Variants in FGF10 observed in about 807,000 individuals in gnomAD.
FGF10 encodes FGF-10.
A neutral mutation model predicts 19.8 loss-of-function variants in FGF10; 2 were observed. The observed-to-expected ratio is 0.10, with a 90% CI of 0.04 to 0.32. The LOEUF is 0.32. FGF10 is among the 10% of genes least tolerant of loss of function. The pLI is 1.00. For synonymous variants in FGF10, 112 were observed against 94.0 expected (o/e 1.19, Z -1.10); for missense variants, 191 against 246.3 (o/e 0.78, Z 1.50).
rs1194756162 is a variant in FGF10, at chr5:44,304,230, G to T, written c.*765C>A. On this transcript the variant is annotated 3_prime_UTR_variant, in exon 3 of 3. Transcript: ENST00000264664. ...TAATCCCAACTCCTATTTTTGAAGT[G>T]TTCGCCAAGTTTTAAAAACACTTTG... The T allele has an allele frequency of 2.0e-5, 3 of 152,116 alleles. No homozygotes were observed. Among genetic ancestry groups the T allele is most frequent in the African/African-American group, 4.8e-5 (2 of 41,424 alleles). 9.4% of individuals were successfully genotyped at this position (152,116 alleles called of 1,614,324 possible).
intron 1 of FGF10, among the ~76,000 whole-genome samples, chr5:44,320,145 C>A (rs924613081): frequency 6.6e-6 from 1 of 152,158 alleles, no homozygotes; most frequent in Non-Finnish European, 1.5e-5. Context: ...GATGCTAGCA[C>A]TGAGGAGCAG....
At position 44,302,917 on chromosome 5, in the gene FGF10, T is replaced by C. The variant is rs200970671; in HGVS notation, c.*2078A>G. Among the ~76,000 whole-genome samples the C allele has an allele frequency of 2.0e-4, 30 of 152,266 alleles. No homozygotes were observed. The East Asian group carries it at 5.6e-3, about 28-fold the overall frequency. ...CTTACCAAACATTTAATTTTGGTTG[T>C]GGGTGGTCTATGTTTATGTGTCAGG... On this transcript the variant is annotated 3_prime_UTR_variant, in exon 3 of 3. Coordinates refer to ENST00000264664, the MANE Select transcript of FGF10 (RefSeq NM_004465.2).
At chr5:44,333,042 C>T (rs750725021) in intron 1 of FGF10, among the ~76,000 whole-genome samples, 2 of 152,068 alleles carry the variant, frequency 1.3e-5, no homozygotes, top group Admixed American at 6.6e-5. Context: ...TTAGGACTTA[C>T]ATTGTGTTCC....
At chr5:44,340,119 A>G (rs562089821) in intron 1 of FGF10, among the ~76,000 whole-genome samples, 172 of 152,232 alleles carry the variant, frequency 1.1e-3, no homozygotes, top group African/African-American at 4.1e-3. Flanking sequence ...CACTTTGGAC[A>G]GTTAAGGAGA....
chr5:44,334,339 G>A (rs1740798940), intron 1 of FGF10, among the ~76,000 whole-genome samples: 1 of 151,922 alleles, frequency 6.6e-6, no homozygotes. Context: ...AATATTCTAA[G>A]TTTGTTTCTG....
intron 1 of FGF10, among the ~76,000 whole-genome samples, chr5:44,349,952 G>C (rs2111819012): frequency 6.6e-6 from 1 of 150,996 alleles, no homozygotes; most frequent in South Asian, 2.1e-4. Context: ...GAATATATTT[G>C]GAAAAGTATA....
Position 44,303,866 on chromosome 5 carries a change from G to A in FGF10, c.*1129C>T, listed in dbSNP as rs911866866. On this transcript the variant is annotated 3_prime_UTR_variant, in exon 3 of 3. Transcript: ENST00000264664. The stretch of plus-strand genomic sequence containing the variant: ...AGATGCATTATGTGGAATTTACAGA[G>A]GGTTTTTAGAGATGTGGACAGCCTC... The A allele has an allele frequency of 6.6e-6, 1 of 152,170 alleles. No homozygotes were observed. The highest frequency in any genetic ancestry group is 6.6e-5 in the Admixed American group (1 of 15,252). 9.4% of individuals were successfully genotyped at this position (152,170 alleles called of 1,614,324 possible). A position where few individuals can be genotyped will look rare whatever the true frequency, so the allele number is the denominator to read the frequency against.
chr5:44,383,535 C>T (rs370188532), intron 1 of FGF10, among the ~76,000 whole-genome samples: 9 of 152,150 alleles, frequency 5.9e-5, no homozygotes, highest in African/African-American at 2.2e-4. Flanking sequence ...TGCTCCAATA[C>T]GGGCATCTGA....
At chr5:44,383,592 A>G (rs1030033221) in intron 1 of FGF10, among the ~76,000 whole-genome samples, 5 of 152,064 alleles carry the variant, frequency 3.3e-5, no homozygotes, top group Admixed American at 2.6e-4. Context: ...GAGGTTATAA[A>G]TCAGGTTTAT....
At chr5:44,344,231 T>A (rs560319840) in intron 1 of FGF10, among the ~76,000 whole-genome samples, 67 of 152,080 alleles carry the variant, frequency 4.4e-4, no homozygotes, top group African/African-American at 1.6e-3. Flanking sequence ...AAGCTGCTAG[T>A]CCAGCCCAAG....
At chr5:44,315,565 C>T (rs1004852260) in intron 1 of FGF10, among the ~76,000 whole-genome samples, 2 of 152,142 alleles carry the variant, frequency 1.3e-5, no homozygotes, top group African/African-American at 2.4e-5. Flanking sequence ...TGGAAAGTCT[C>T]ATTAATTCAG....
intron 1 of FGF10, among the ~76,000 whole-genome samples, chr5:44,377,031 CAGA>C (rs1198021030): frequency 2.0e-5 from 3 of 152,204 alleles, no homozygotes; most frequent in Non-Finnish European, 4.4e-5. Context: ...CTTTGTCTGT[CAGA>C]AGATGCCCAC....
At chr5:44,379,571 C>T (rs1428479810) in intron 1 of FGF10, among the ~76,000 whole-genome samples, 1 of 152,196 alleles carries the variant, frequency 6.6e-6, no homozygotes, top group Non-Finnish European at 1.5e-5. Context: ...ATCACTCTAT[C>T]ATACCTCCTC....
intron 1 of FGF10, among the ~76,000 whole-genome samples, chr5:44,367,343 T>G (rs1469793284): frequency 6.6e-6 from 1 of 152,036 alleles, no homozygotes; most frequent in South Asian, 2.1e-4. Flanking sequence ...GTAGGCAAAC[T>G]TTGTCAAGAA....
chr5:44,383,830 C>T (rs1311127647), intron 1 of FGF10, among the ~76,000 whole-genome samples: 1 of 151,982 alleles, frequency 6.6e-6, no homozygotes, highest in Non-Finnish European at 1.5e-5. Flanking sequence ...AATAAGATAC[C>T]AGTGGAAGCC....
At chr5:44,349,449 T>TATATATATATCAGA (rs1741176286) in intron 1 of FGF10, among the ~76,000 whole-genome samples, 1 of 15,784 alleles carries the variant, frequency 6.3e-5, no homozygotes, top group Non-Finnish European at 1.6e-4. Context: ...TATATATATA[T>TATATATATATCAGA]ATATATATAT....
intron 1 of FGF10, among the ~76,000 whole-genome samples, chr5:44,369,203 A>G (rs1741689688): frequency 1.3e-5 from 2 of 152,248 alleles, no homozygotes; most frequent in Non-Finnish European, 1.5e-5. Context: ...AAGGTCATCT[A>G]CAGGAACTGA....
At chr5:44,335,270 A>G (rs1740821191) in intron 1 of FGF10, among the ~76,000 whole-genome samples, 1 of 152,116 alleles carries the variant, frequency 6.6e-6, no homozygotes, top group African/African-American at 2.4e-5. Context: ...GTGAGAAGAA[A>G]TGACCTACTC....
chr5:44,331,949 T>C (rs1433334173), intron 1 of FGF10, among the ~76,000 whole-genome samples: 2 of 151,856 alleles, frequency 1.3e-5, no homozygotes, highest in Admixed American at 6.6e-5. Flanking sequence ...TGTGTTCTGA[T>C]GGCAGTGCAG....
Sources: allele counts gnomAD v4.1 joint callset (sites outside exome capture counted in the v4.1 genomes callset), GRCh38; gene constraint gnomAD v4.1.1; transcripts MANE v1.5; gene names NCBI Gene and HGNC (gene_info 2026-07-23, HGNC 2026-07-21).